Variants in LCMT1 observed in about 807,000 individuals in gnomAD.
LCMT1 encodes the protein [Phosphatase 2A protein]-leucine-carboxy methyltransferase 1.
A neutral mutation model predicts 47.7 loss-of-function variants in LCMT1; 32 were observed. The observed-to-expected ratio is 0.67, with a 90% CI of 0.51 to 0.90. The LOEUF is 0.90. Among genes scored for constraint, LCMT1 ranks in the 40% least tolerant of loss-of-function variants. The pLI is 0.00. For synonymous variants in LCMT1, 152 were observed against 149.7 expected (o/e 1.02, Z -0.11); for missense variants, 375 against 415.2 (o/e 0.90, Z 0.84).
At chr16:25,133,803 G>T (rs924029977) in intron 3 of LCMT1, among the ~76,000 whole-genome samples, 13 of 151,444 alleles carry the variant, frequency 8.6e-5, no homozygotes, top group African/African-American at 2.9e-4. Flanking sequence ...GGAGGCTGAG[G>T]TGGGCAGATC....
intron 2 of LCMT1, 169 bp from the exon 3 acceptor site, chr16:25,132,233 A>T (rs2141650558): frequency 2.6e-6 from 2 of 773,306 alleles, no homozygotes; most frequent in East Asian, 5.2e-5. Flanking sequence ...TAACCAAAAA[A>T]AAAAAATTTG....
chr16:25,141,050 C>T (rs1337253587), intron 4 of LCMT1: 1 of 152,180 alleles, frequency 6.6e-6, no homozygotes, highest in African/African-American at 2.4e-5. Flanking sequence ...GGGGAAATCT[C>T]TCACTGGCTG....
chr16:25,161,955 C>T (rs1475612665), intron 6 of LCMT1, among the ~76,000 whole-genome samples: 1 of 151,982 alleles, frequency 6.6e-6, no homozygotes, highest in African/African-American at 2.4e-5. Flanking sequence ...ACCAAGTTGG[C>T]AAAAATGTAA....
At chr16:25,156,859 C>T (rs1185756600) in intron 5 of LCMT1, among the ~76,000 whole-genome samples, 1 of 152,056 alleles carries the variant, frequency 6.6e-6, no homozygotes, top group African/African-American at 2.4e-5. Flanking sequence ...GGCTCAGTGC[C>T]CCATGAGTGT....
intron 5 of LCMT1, among the ~76,000 whole-genome samples, chr16:25,159,966 C>T (rs1468898442): frequency 6.9e-6 from 1 of 145,872 alleles, no homozygotes; most frequent in Non-Finnish European, 1.5e-5. Flanking sequence ...AATTTGTTAA[C>T]TTTTTTTTTT....
intron 10 of LCMT1, among the ~76,000 whole-genome samples, chr16:25,177,008 C>T (rs1032729165): frequency 6.6e-6 from 1 of 151,570 alleles, no homozygotes; most frequent in Non-Finnish European, 1.5e-5. Flanking sequence ...GGTGAAATCC[C>T]GTCTCTACTA....
chr16:25,173,717 T>TC (rs1429445254), intron 9 of LCMT1, among the ~76,000 whole-genome samples: 2 of 151,950 alleles, frequency 1.3e-5, no homozygotes, highest in Non-Finnish European at 2.9e-5. Context: ...TTTTTTTTGT[T>TC]TTTTTTTGAT....
At chr16:25,151,694 T>G in intron 5 of LCMT1, 79 bp downstream of exon 5, 1 of 853,988 alleles carries the variant, frequency 1.2e-6, no homozygotes. Context: ...GGGTTTGTGT[T>G]GGGTGTGTGT....
chr16:25,114,728 A>G (rs1423221703), intron 1 of LCMT1, among the ~76,000 whole-genome samples: 1 of 151,776 alleles, frequency 6.6e-6, no homozygotes, highest in Non-Finnish European at 1.5e-5. Flanking sequence ...TTCCTCAGGG[A>G]TATCCTGTTC....
chr16:25,136,513 G>A (rs1386634849), intron 3 of LCMT1, among the ~76,000 whole-genome samples: 1 of 151,168 alleles, frequency 6.6e-6, no homozygotes, highest in Non-Finnish European at 1.5e-5. Flanking sequence ...TGCAGAATGT[G>A]CAGGTTTGTT....
At chr16:25,168,258 AGGCT>A (rs1202947592) in intron 7 of LCMT1, among the ~76,000 whole-genome samples, 1 of 152,136 alleles carries the variant, frequency 6.6e-6, no homozygotes, top group African/African-American at 2.4e-5. Context: ...CATGTTGGCC[AGGCT>A]GGTATTGAAT....
At chr16:25,133,689 G>A (rs961103460) in intron 3 of LCMT1, among the ~76,000 whole-genome samples, 3 of 149,024 alleles carry the variant, frequency 2.0e-5, no homozygotes, top group East Asian at 2.1e-4. Flanking sequence ...GAGCCACCGT[G>A]CCTGGCCTCC....
chr16:25,148,526 GCCGTGTCAGT>G (rs1290106085), intron 4 of LCMT1, among the ~76,000 whole-genome samples: 8 of 152,186 alleles, frequency 5.3e-5, no homozygotes, highest in Non-Finnish European at 7.3e-5. Context: ...GTTCCTTCCA[GCCGTGTCAGT>G]CCGTCCTGCA....
chr16:25,141,780 G>A (rs1046153096), intron 4 of LCMT1: 1 of 152,240 alleles, frequency 6.6e-6, no homozygotes, highest in Admixed American at 6.5e-5. Flanking sequence ...GGGCAAATCT[G>A]TTATCCAAGA....
intron 5 of LCMT1, 81 bp from the exon 6 acceptor site, chr16:25,161,021 T>C (rs1384680025): frequency 2.4e-6 from 2 of 831,156 alleles, no homozygotes; most frequent in African/African-American, 1.7e-5. Flanking sequence ...TGTATTTTTA[T>C]AGTAAGGAAA....
Position 25,169,117 on chromosome 16 carries a change from C to T in LCMT1, c.696C>T (p.Asn232=). The part of the protein sequence containing the change: ...RAMFINYEQV[N]MGDRFGQIMI... Reference sequence around the variant, plus strand: ...ACCTTCTCTTTCCCTCCTAGGTGAACATGGGTGATCGGTTTGGGCAGATCA... The same window carrying T: ...ACCTTCTCTTTCCCTCCTAGGTGAATATGGGTGATCGGTTTGGGCAGATCA... Residue 232 remains asparagine (N), a synonymous_variant, in exon 8 of 11, where the codon AAC becomes AAT. Coordinates refer to ENST00000399069, the MANE Select transcript of LCMT1 (RefSeq NM_016309.3). 4 of 1,611,316 alleles carry T rather than the reference C, an allele frequency of 2.5e-6. No individual in the cohort carries two copies. Among genetic ancestry groups the T allele is most frequent in the Non-Finnish European group, 3.4e-6 (4 of 1,177,902 alleles).
In LCMT1 at chr16:25,136,361, T is replaced by C. The variant is rs182010600; in HGVS notation, c.328-3810T>C. Among the ~76,000 whole-genome samples the C allele has an allele frequency of 1.1e-4, 17 of 152,102 alleles. 1 individual carries two copies. In the East Asian group the frequency reaches 3.1e-3, roughly 28 times the overall value. On this transcript the variant is annotated intron_variant, in intron 3 of 10. Coordinates refer to ENST00000399069, the MANE Select transcript of LCMT1 (RefSeq NM_016309.3). ...GTGTCTTCCATACCAGTCAGTTGCA[T>C]GCAGGCTATTTGGAGTGAAATATCA... is the stretch of plus-strand genomic sequence containing the variant.
intron 5 of LCMT1, among the ~76,000 whole-genome samples, chr16:25,158,054 C>A (rs192098571): frequency 1.2e-3 from 179 of 152,340 alleles, no homozygotes; most frequent in Non-Finnish European, 1.9e-3. Flanking sequence ...GAATTGCTTC[C>A]TGAGATGCGT....
chr16:25,151,510 G>C (rs1242365759), intron 4 of LCMT1, 44 bp from the exon 5 acceptor site: 1 of 1,489,386 alleles, frequency 6.7e-7, no homozygotes, highest in African/African-American at 1.4e-5. Flanking sequence ...GTAAATTGAG[G>C]AGCAAATAGA....
Sources: gnomAD v4.1 joint callset for allele counts (sites outside exome capture counted in the v4.1 genomes callset) on GRCh38, gnomAD v4.1.1 for gene constraint, MANE v1.5 for transcripts, NCBI Gene and HGNC (gene_info 2026-07-23, HGNC 2026-07-21) for gene names.